Variants in ADAM23 observed in about 807,000 individuals in gnomAD.
ADAM23 encodes the protein disintegrin and metalloproteinase domain-containing protein 23.
A neutral mutation model predicts 120.1 loss-of-function variants in ADAM23; 33 were observed. The observed-to-expected ratio is 0.27, with a 90% CI of 0.21 to 0.37. The LOEUF (loss-of-function observed/expected upper bound fraction) is 0.37, where lower values mean the gene tolerates loss of function less well. ADAM23 is among the 10% of genes least tolerant of loss of function. The pLI is 1.00. For missense variants in ADAM23, 862 were observed against 1,058.2 expected (o/e 0.81, Z 2.57); for synonymous variants, 367 against 375.2 (o/e 0.98, Z 0.25).
chr2:206,491,645 C>T (rs998707263), intron 3 of ADAM23, among the ~76,000 whole-genome samples: 1 of 152,080 alleles, frequency 6.6e-6, no homozygotes, highest in Non-Finnish European at 1.5e-5. Flanking sequence ...AATTGAAAAG[C>T]ACAGAGAATT....
chr2:206,607,275 A>C (rs1698745747), intron 24 of ADAM23: 1 of 152,248 alleles, frequency 6.6e-6, no homozygotes. Context: ...AAAAATATTT[A>C]GAGACAAAAA....
At chr2:206,616,593 A>T (rs1698939103) in intron 25 of ADAM23, among the ~76,000 whole-genome samples, 1 of 151,844 alleles carries the variant, frequency 6.6e-6, no homozygotes, top group African/African-American at 2.4e-5. Flanking sequence ...CTTGTGGGGG[A>T]GGAGGAATAT....
At chr2:206,536,497 A>T (rs1321557220) in intron 4 of ADAM23, among the ~76,000 whole-genome samples, 1 of 152,126 alleles carries the variant, frequency 6.6e-6, no homozygotes, top group East Asian at 1.9e-4. Context: ...GCAGTTATAT[A>T]GGCTCTAAGT....
chr2:206,614,923 C>T (rs1004080285), intron 25 of ADAM23, among the ~76,000 whole-genome samples: 3 of 152,092 alleles, frequency 2.0e-5, no homozygotes, highest in Non-Finnish European at 4.4e-5. Flanking sequence ...GGCACTTTCT[C>T]TTTCATGGTA....
intron 3 of ADAM23, among the ~76,000 whole-genome samples, chr2:206,485,749 C>T (rs1345308963): frequency 6.6e-6 from 1 of 152,198 alleles, no homozygotes; most frequent in African/African-American, 2.4e-5. Context: ...TTTAGAGCTT[C>T]ATTCCAGAGG....
At chr2:206,563,919 A>G (rs963515889) in intron 13 of ADAM23, among the ~76,000 whole-genome samples, 2 of 151,590 alleles carry the variant, frequency 1.3e-5, no homozygotes, top group Non-Finnish European at 1.5e-5. Context: ...TTTAGTAGAG[A>G]TGGGGTTTCA....
rs1203083902 is a variant in ADAM23 at position 206,578,127 on chromosome 2, A to T, written c.1737+4932A>T. Among the ~76,000 whole-genome samples the T allele has an allele frequency of 2.6e-5, 4 of 152,138 alleles. No individual in the cohort carries two copies. In the South Asian group the frequency reaches 8.3e-4, roughly 31 times the overall value. On this transcript the variant is annotated intron_variant, in intron 18 of 25. Coordinates refer to ENST00000264377, the MANE Select transcript of ADAM23 (RefSeq NM_003812.4). ...TTTTAGATCCTGATGTGCTTTTTCT[A>T]ATAGCAATATTGCTTTTGCATTACT...
chr2:206,540,420 A>G (rs773814347), intron 4 of ADAM23, among the ~76,000 whole-genome samples: 3 of 152,150 alleles, frequency 2.0e-5, no homozygotes, highest in Non-Finnish European at 2.9e-5. Context: ...GTATGTGCAG[A>G]TTTGGGAAAT....
intron 9 of ADAM23, among the ~76,000 whole-genome samples, chr2:206,550,599 CTTTTTT>C (rs67340305): frequency 7.3e-6 from 1 of 137,276 alleles, no homozygotes. Context: ...GACTTATCGT[CTTTTTT>C]TTTTTTTTTT....
At chr2:206,530,496 A>G (rs1697030322) in intron 3 of ADAM23, among the ~76,000 whole-genome samples, 1 of 152,124 alleles carries the variant, frequency 6.6e-6, no homozygotes, top group African/African-American at 2.4e-5. Flanking sequence ...TAATTAACAT[A>G]TCAATCAGAT....
At chr2:206,461,348 A>T (rs1157348981) in intron 2 of ADAM23, among the ~76,000 whole-genome samples, 4 of 152,072 alleles carry the variant, frequency 2.6e-5, no homozygotes, top group South Asian at 4.1e-4. Flanking sequence ...GGCGTGACCC[A>T]TCGCGTCTGG....
At chr2:206,468,182 A>T (rs184280729) in intron 2 of ADAM23, among the ~76,000 whole-genome samples, 1 of 152,138 alleles carries the variant, frequency 6.6e-6, no homozygotes, top group South Asian at 2.1e-4. Flanking sequence ...CTTTTTCCTT[A>T]TGCAAATTTC....
intron 3 of ADAM23, among the ~76,000 whole-genome samples, chr2:206,502,180 C>T (rs1348231724): frequency 1.3e-5 from 2 of 152,120 alleles, no homozygotes; most frequent in East Asian, 3.8e-4. Flanking sequence ...ATTCTTAACA[C>T]ATCTATCTTC....
At chr2:206,526,753 A>G (rs1329652962) in intron 3 of ADAM23, among the ~76,000 whole-genome samples, 7 of 152,196 alleles carry the variant, frequency 4.6e-5, no homozygotes, top group African/African-American at 1.7e-4. Flanking sequence ...GACACACAGC[A>G]TTATTTCTGC....
At chr2:206,505,749 A>G (rs1358508985) in intron 3 of ADAM23, among the ~76,000 whole-genome samples, 1 of 152,194 alleles carries the variant, frequency 6.6e-6, no homozygotes, top group Non-Finnish European at 1.5e-5. Context: ...ACAGACTCAA[A>G]CCATATTACT....
In ADAM23 at chr2:206,589,428, G is replaced by A; in HGVS notation, c.1872G>A (p.Lys624=). 2 of 1,613,738 alleles carry A rather than the reference G, an allele frequency of 1.2e-6. No individual in the cohort carries two copies. The highest frequency in any genetic ancestry group is 1.7e-6 in the Non-Finnish European group (2 of 1,179,858). Residue 624 remains lysine, a synonymous_variant, in exon 21 of 26, where the codon AAG becomes AAA. Coordinates refer to ENST00000264377, the MANE Select transcript of ADAM23 (RefSeq NM_003812.4). ...IWGTKAAGSD[K]FCYEKLNTEG... ...CAAAAGAGGCTGCAGGGTCTGACAAGTTCTGCTATGAAAAGCTGAATACAG... is the reference window on the plus strand; with the variant it reads ...CAAAAGAGGCTGCAGGGTCTGACAAATTCTGCTATGAAAAGCTGAATACAG...
At position 206,502,258 on chromosome 2, in the gene ADAM23, G is replaced by A. The variant is rs192059886; in HGVS notation, c.509+20950G>A. Among the ~76,000 whole-genome samples the A allele has an allele frequency of 3.6e-3, 541 of 152,210 alleles. 3 individuals are homozygous for A. Among genetic ancestry groups the A allele is most frequent in the African/African-American group, 0.013 (523 of 41,540 alleles). On this transcript the variant is annotated intron_variant, in intron 3 of 25. Transcript: ENST00000264377. ...TTGGCCATAGTCTTTGTTCAAAACA[G>A]GTCACCTTTTGATGATTTTACCTAA...
chr2:206,566,025 C>T (rs2105826527), intron 14 of ADAM23, among the ~76,000 whole-genome samples: 1 of 152,082 alleles, frequency 6.6e-6, no homozygotes, highest in East Asian at 1.9e-4. Context: ...TCCACGGTTC[C>T]CTATTACTCC....
chr2:206,455,563 C>T (rs1334893683), intron 2 of ADAM23, among the ~76,000 whole-genome samples: 2 of 152,200 alleles, frequency 1.3e-5, no homozygotes, highest in African/African-American at 2.4e-5. Context: ...GCAAATTTTC[C>T]AAACGTTTAT....
Sources: allele counts gnomAD v4.1 joint callset (sites outside exome capture counted in the v4.1 genomes callset), GRCh38; gene constraint gnomAD v4.1.1; transcripts MANE v1.5; gene names NCBI Gene and HGNC (gene_info 2026-07-23, HGNC 2026-07-21).